The following LPP variants were observed in gnomAD, a reference collection of about 807,000 sequenced individuals.
LPP encodes the protein LIM domain containing preferred translocation partner in lipoma, also known as lipoma-preferred partner.
Under a neutral mutation model 60.4 loss-of-function variants are expected in LPP, and 38 were observed. The ratio of observed to expected loss-of-function variants is 0.63; its 90% confidence interval spans 0.49 to 0.83. The LOEUF is 0.83. Among genes scored for constraint, LPP ranks in the 40% least tolerant of loss-of-function variants. The pLI is 0.00. For synonymous variants in LPP, 328 were observed against 290.8 expected (o/e 1.13, Z -1.30); for missense variants, 902 against 783.6 (o/e 1.15, Z -1.80).
At chr3:188,303,777 C>A (rs1405379770) in intron 2 of LPP, among the ~76,000 whole-genome samples, 1 of 152,110 alleles carries the variant, frequency 6.6e-6, no homozygotes, top group Non-Finnish European at 1.5e-5. Flanking sequence ...GTTCCCAGTA[C>A]CCTCCCTGGA....
chr3:188,698,652 C>T (rs1863777586), intron 7 of LPP, among the ~76,000 whole-genome samples: 1 of 152,218 alleles, frequency 6.6e-6, no homozygotes, highest in Non-Finnish European at 1.5e-5. Context: ...TTTCTTACTT[C>T]TTGCCTACCC....
intron 8 of LPP, among the ~76,000 whole-genome samples, chr3:188,757,898 T>TTTTTGG (rs1560164492): frequency 1.4e-3 from 198 of 146,634 alleles, no homozygotes; most frequent in African/African-American, 4.5e-3. Flanking sequence ...GGTTTTTTTT[T>TTTTTGG]TTTTTTTTTT....
intron 4 of LPP, among the ~76,000 whole-genome samples, chr3:188,444,336 A>G (rs11920421): frequency 0.012 from 1,810 of 147,174 alleles, 40 homozygotes; most frequent in African/African-American, 0.044. Context: ...TTGAGAAATT[A>G]TAAGTATAAA....
At chr3:188,693,297 A>C (rs985129168) in intron 7 of LPP, among the ~76,000 whole-genome samples, 1 of 152,196 alleles carries the variant, frequency 6.6e-6, no homozygotes, top group African/African-American at 2.4e-5. Context: ...TCAATTTCCT[A>C]ATCTGTACAG....
rs1714130947 is a variant in LPP at position 188,217,582 on chromosome 3, T to C, written c.-189-7823T>C. On this transcript the variant is annotated intron_variant, in intron 1 of 11. Coordinates refer to ENST00000617246, the MANE Select transcript of LPP (RefSeq NM_001375462.1). This position sits in a 1 kb window ranked among gnomAD's most constrained non-coding sequence, Gnocchi z 4.0. ...TTCAGGTGTGATGTGGTGGTAACTT[T>C]GACTAGGGCATAGAAGTTGGGCAGG... Among the ~76,000 whole-genome samples, 1 of 152,104 alleles carries C rather than the reference T, an allele frequency of 6.6e-6. No homozygotes were observed. Among genetic ancestry groups the C allele is most frequent in the Admixed American group, 6.5e-5 (1 of 15,270 alleles).
At chr3:188,806,461 T>C (rs986141946) in intron 9 of LPP, among the ~76,000 whole-genome samples, 3 of 151,922 alleles carry the variant, frequency 2.0e-5, no homozygotes, top group Non-Finnish European at 4.4e-5. Flanking sequence ...TTGAAGTAGC[T>C]TGCTTTTAGA....
At chr3:188,240,552 T>G (rs2149451767) in intron 2 of LPP, among the ~76,000 whole-genome samples, 1 of 152,284 alleles carries the variant, frequency 6.6e-6, no homozygotes, top group East Asian at 1.9e-4. Flanking sequence ...CCTAGAGTAG[T>G]TGAGAGCTTT....
In LPP at chr3:188,883,732, CAAAAAAAAAAA is replaced by C. The variant is rs71169028; in HGVS notation, c.*9265_*9275del. The C allele has an allele frequency of 1.5e-5, 1 of 67,396 alleles. No individual in the cohort carries two copies. The highest frequency in any genetic ancestry group is 8.1e-4 in the South Asian group (1 of 1,236). 4.2% of individuals were successfully genotyped at this position (67,396 alleles called of 1,614,324 possible). A position where few individuals can be genotyped will look rare whatever the true frequency, so the allele number is the denominator to read the frequency against. On this transcript the variant is annotated 3_prime_UTR_variant, in exon 12 of 12. Transcript: ENST00000617246. Reference sequence around the variant, plus strand: ...TGGGCGACAGAACGAGACTCCGTCTCAAAAAAAAAAAAAAAAAAAAAAGGTTGGGAAATATT... The same window carrying C: ...TGGGCGACAGAACGAGACTCCGTCTCAAAAAAAAAAAGGTTGGGAAATATT...
chr3:188,343,079 A>G (rs1763467928), intron 3 of LPP, among the ~76,000 whole-genome samples: 1 of 152,154 alleles, frequency 6.6e-6, no homozygotes, highest in Admixed American at 6.5e-5. Flanking sequence ...TTACGTAGGT[A>G]TACATGTGCC....
chr3:188,822,194 C>T (rs186872174), intron 9 of LPP, among the ~76,000 whole-genome samples: 1 of 151,994 alleles, frequency 6.6e-6, no homozygotes, highest in Non-Finnish European at 1.5e-5. Context: ...ACAGGAAGAA[C>T]AGGGAGGTCA....
chr3:188,310,989 A>T (rs1753211135), intron 2 of LPP, among the ~76,000 whole-genome samples: 2 of 152,276 alleles, frequency 1.3e-5, no homozygotes, highest in Non-Finnish European at 2.9e-5. Context: ...TCTGTTTCAC[A>T]GCTGTGGAAA....
intron 6 of LPP, among the ~76,000 whole-genome samples, chr3:188,579,030 C>CA (rs529008639): frequency 4.3e-4 from 64 of 149,270 alleles, no homozygotes; most frequent in Middle Eastern, 3.4e-3. Flanking sequence ...GATCACTTAC[C>CA]AAAAAAAAAG....
intron 2 of LPP, among the ~76,000 whole-genome samples, chr3:188,309,508 G>A (rs190256603): frequency 6.6e-5 from 10 of 152,202 alleles, no homozygotes; most frequent in East Asian, 1.9e-4. Flanking sequence ...CTGTTTAAAC[G>A]TTGCCCAAAA....
intron 8 of LPP, chr3:188,725,128 C>A (rs1717892962): frequency 6.6e-6 from 1 of 152,206 alleles, no homozygotes; most frequent in African/African-American, 2.4e-5. Flanking sequence ...TGTGTGGTGT[C>A]TTTAGGAAGC....
intron 6 of LPP, among the ~76,000 whole-genome samples, chr3:188,574,375 T>G (rs1000477437): frequency 6.6e-6 from 1 of 152,230 alleles, no homozygotes; most frequent in African/African-American, 2.4e-5. Flanking sequence ...CGCTATATGC[T>G]GGCACCATTT....
intron 3 of LPP, among the ~76,000 whole-genome samples, chr3:188,396,205 A>T (rs1780915045): frequency 6.6e-6 from 1 of 152,216 alleles, no homozygotes; most frequent in African/African-American, 2.4e-5. Flanking sequence ...GTTCATCAAT[A>T]GTAGACTCAT....
chr3:188,360,015 C>A lies in LPP; in HGVS notation c.-10+18296C>A, dbSNP rs926758836. ...ATAGCTTTTCAGACCCAGTCCCTCA[C>A]AAGATACCTCTTTTTCAACCCATTA... On this transcript the variant is annotated intron_variant, in intron 3 of 11. Transcript: ENST00000617246. Among the ~76,000 whole-genome samples the A allele has an allele frequency of 3.9e-5, 6 of 152,330 alleles. No homozygotes were observed. In the East Asian group the frequency reaches 7.7e-4, roughly 20 times the overall value.
intron 7 of LPP, among the ~76,000 whole-genome samples, chr3:188,621,014 T>A (rs1845706081): frequency 6.6e-6 from 1 of 152,162 alleles, no homozygotes; most frequent in Admixed American, 6.5e-5. Context: ...GTTCCTATTA[T>A]CAAGAGTTGT....
At position 188,791,570 on chromosome 3, in the gene LPP, T is replaced by TA. The variant is rs367559237; in HGVS notation, c.1410+31289dup. ...TCTAGCCTCATTTCTTTTTTTTTTT[T>TA]ACCACTGTGATGCAAACACATGGAA... On this transcript the variant is annotated intron_variant, in intron 9 of 11. Coordinates refer to ENST00000617246, the MANE Select transcript of LPP (RefSeq NM_001375462.1). Among the ~76,000 whole-genome samples, 358 of 152,232 alleles carry TA rather than the reference T, an allele frequency of 2.4e-3. 2 individuals are homozygous for TA. Among genetic ancestry groups the TA allele is most frequent in the African/African-American group, 8.4e-3 (349 of 41,546 alleles).
Sources: allele counts gnomAD v4.1 joint callset (sites outside exome capture counted in the v4.1 genomes callset), GRCh38; gene constraint gnomAD v4.1.1; non-coding constraint Gnocchi (gnomAD v3.1); transcripts MANE v1.5; gene names NCBI Gene and HGNC (gene_info 2026-07-23, HGNC 2026-07-21).